Variants in DPP10 observed in about 807,000 individuals in gnomAD.
DPP10 encodes inactive dipeptidyl peptidase 10.
Under a neutral mutation model 120.9 loss-of-function variants are expected in DPP10, and 33 were observed. That is an observed-to-expected ratio of 0.27 (90% CI 0.21 to 0.37). The LOEUF (loss-of-function observed/expected upper bound fraction) is 0.37. Among genes scored for constraint, DPP10 ranks in the 10% least tolerant of loss-of-function variants. The probability of loss-of-function intolerance (pLI) is 1.00; values close to 1 mark genes in which losing one functional copy is unlikely to be tolerated. For missense variants in DPP10, 816 were observed against 942.8 expected (o/e 0.87, Z 1.76); for synonymous variants, 337 against 326.1 (o/e 1.03, Z -0.36).
chr2:115,693,257 A>C (rs950853590), intron 7 of DPP10, among the ~76,000 whole-genome samples: 2 of 152,190 alleles, frequency 1.3e-5, no homozygotes, highest in African/African-American at 4.8e-5. Context: ...AATATGGTAA[A>C]TATGAATGTG....
chr2:114,589,373 C>T (rs1691267886), intron 1 of DPP10, among the ~76,000 whole-genome samples: 1 of 152,184 alleles, frequency 6.6e-6, no homozygotes, highest in Non-Finnish European at 1.5e-5. Flanking sequence ...TCTTTTCTAT[C>T]CTAAACCAAA....
intron 1 of DPP10, among the ~76,000 whole-genome samples, chr2:115,033,768 A>G (rs10200843): frequency 1.3e-3 from 189 of 149,518 alleles, no homozygotes; most frequent in African/African-American, 4.5e-3. Context: ...TGGCTCAATC[A>G]TAGCTCTCTG....
chr2:115,768,517 T>C (rs1681074550), intron 13 of DPP10, 113 bp downstream of exon 13: 3 of 817,040 alleles, frequency 3.7e-6, no homozygotes, highest in South Asian at 1.8e-5. Context: ...CAGCCATATA[T>C]ACAACTCACA....
chr2:115,175,696 A>G (rs1233614543), intron 1 of DPP10, among the ~76,000 whole-genome samples: 2 of 152,212 alleles, frequency 1.3e-5, no homozygotes, highest in African/African-American at 2.4e-5. Flanking sequence ...AAAGATGAAA[A>G]TGTTCTGTAT....
intron 1 of DPP10, among the ~76,000 whole-genome samples, chr2:114,993,364 CT>C (rs34821521): frequency 0.96 from 141,181 of 147,590 alleles, 67,525 homozygotes; most frequent in East Asian, 1. Context: ...GTGAATAATA[CT>C]TTTTTTTTTT....
intron 1 of DPP10, among the ~76,000 whole-genome samples, chr2:114,560,762 C>T (rs970331448): frequency 6.6e-6 from 1 of 152,196 alleles, no homozygotes; most frequent in East Asian, 1.9e-4. Context: ...AGAATATGTG[C>T]CATACTGTGC....
rs1207960571 is a variant in DPP10, at chr2:115,166,494, ATAT to A, written c.61-142741_61-142739del. Among the ~76,000 whole-genome samples the A allele has an allele frequency of 6.1e-5, 7 of 115,682 alleles. No individual in the cohort carries two copies. The Middle Eastern group carries it at 0.02, about 331-fold the overall frequency. The allele number at this position is 115,682 out of a possible 152,430, so 75.9% of individuals were successfully genotyped here. Reference sequence around the variant, plus strand: ...CTGAATTTCTTATTTTTATATGTAAATATTATATATTATATAAATTTATAATAT... The same window carrying A: ...CTGAATTTCTTATTTTTATATGTAAATATATATTATATAAATTTATAATAT... On this transcript the variant is annotated intron_variant, in intron 1 of 25. Transcript: ENST00000410059.
chr2:115,783,382 C>T (rs1682990741), intron 17 of DPP10, among the ~76,000 whole-genome samples: 1 of 152,110 alleles, frequency 6.6e-6, no homozygotes, highest in Admixed American at 6.5e-5. Context: ...TTCTATTGTG[C>T]TTTTGCCTCA....
rs914560674 is a variant in DPP10, at chr2:115,814,858, T to A, written c.1766T>A (p.Ile589Asn). The change falls in exon 20 of 26, where the codon ATT becomes AAT. Residue 589 changes from isoleucine (I) to asparagine (N), a missense_variant. By Grantham distance (149) the Ile-to-Asn change is moderately radical. This residue lies in a region of DPP10 where 592 missense variants were observed against 649.0 expected (regional missense o/e 0.91). Coordinates refer to ENST00000410059, the MANE Select transcript of DPP10 (RefSeq NM_020868.6). ...KFHIDWDSVL[I>N]DMDNVIVARF... ...CATATTGACTGGGATTCCGTACTCA[T>A]TGACATGGATAATGTCATTGTAGCA... 2.5e-6 allele frequency: 4 copies of A among 1,608,168 alleles called. No homozygotes were observed. In the African/African-American group the frequency reaches 4.0e-5, roughly 16 times the overall value.
rs576297284 is a variant in DPP10 at position 115,771,143 on chromosome 2, C to T, written c.1221+2739C>T. Among the ~76,000 whole-genome samples the T allele has an allele frequency of 2.6e-5, 4 of 152,020 alleles. No individual in the cohort carries two copies. The South Asian group carries it at 6.2e-4, about 24-fold the overall frequency. ...AGGCTAGAATGCAGTGACACGATCTCGGCTCACTGCAACCCCCTCCTCCCA... is the reference window on the plus strand; with the variant it reads ...AGGCTAGAATGCAGTGACACGATCTTGGCTCACTGCAACCCCCTCCTCCCA... On this transcript the variant is annotated intron_variant, in intron 13 of 25. Transcript: ENST00000410059.
Position 114,814,554 on chromosome 2 carries a change from A to C in DPP10, c.60+371716A>C, listed in dbSNP as rs147688433. Among the ~76,000 whole-genome samples the C allele has an allele frequency of 1.9e-3, 296 of 152,242 alleles. 1 individual carries two copies. Among genetic ancestry groups the C allele is most frequent in the African/African-American group, 6.8e-3 (284 of 41,560 alleles). ...ATATCCCAAATATTACCATGTCAGCATATTGCACTGGCACGTTTGAGGCAC... is the reference window on the plus strand; with the variant it reads ...ATATCCCAAATATTACCATGTCAGCCTATTGCACTGGCACGTTTGAGGCAC... On this transcript the variant is annotated intron_variant, in intron 1 of 25. Transcript: ENST00000410059.
intron 1 of DPP10, among the ~76,000 whole-genome samples, chr2:114,610,933 T>C (rs1040789150): frequency 1.3e-5 from 2 of 152,044 alleles, no homozygotes; most frequent in Non-Finnish European, 2.9e-5. Context: ...GCACCCAGGC[T>C]GTGTTTTAGC....
intron 1 of DPP10, among the ~76,000 whole-genome samples, chr2:115,023,979 C>CT (rs1703266849): frequency 6.6e-6 from 1 of 151,978 alleles, no homozygotes; most frequent in South Asian, 2.1e-4. Flanking sequence ...AGGGATAAGA[C>CT]TAATACATCA....
At chr2:114,961,033 C>CTTTTTTTTTTTT (rs772146022) in intron 1 of DPP10, among the ~76,000 whole-genome samples, 11 of 52,028 alleles carry the variant, frequency 2.1e-4, no homozygotes, top group African/African-American at 8.2e-4. Context: ...CTCTATACGC[C>CTTTTTTTTTTTT]TTTTTTTTTT....
intron 5 of DPP10, among the ~76,000 whole-genome samples, chr2:115,597,197 G>A (rs2083044632): frequency 6.6e-6 from 1 of 152,040 alleles, no homozygotes. Context: ...GACATTCCCT[G>A]GAGGCTGCTA....
chr2:115,304,100 C>T (rs1389052620), intron 1 of DPP10, among the ~76,000 whole-genome samples: 2 of 151,868 alleles, frequency 1.3e-5, no homozygotes, highest in Non-Finnish European at 2.9e-5. Context: ...CATTACTTAC[C>T]GTTGAAAATA....
chr2:115,553,686 C>T (rs530169889), intron 5 of DPP10, among the ~76,000 whole-genome samples: 5 of 152,004 alleles, frequency 3.3e-5, no homozygotes, highest in African/African-American at 9.6e-5. Context: ...ACTTTATCTG[C>T]ACTATGATCT....
At chr2:115,362,973 A>G (rs992747518) in intron 3 of DPP10, among the ~76,000 whole-genome samples, 6 of 152,206 alleles carry the variant, frequency 3.9e-5, no homozygotes, top group African/African-American at 1.4e-4. Context: ...TCTTTTGTGC[A>G]GTCATAACCC....
intron 3 of DPP10, among the ~76,000 whole-genome samples, chr2:115,457,164 A>C (rs2105029587): frequency 6.6e-6 from 1 of 152,206 alleles, no homozygotes; most frequent in African/African-American, 2.4e-5. Context: ...AATTCAATGA[A>C]GGAAAGAATA....
Sources: allele counts gnomAD v4.1 joint callset (sites outside exome capture counted in the v4.1 genomes callset), GRCh38; gene constraint gnomAD v4.1.1; regional missense constraint gnomAD v4.1.1; transcripts MANE v1.5; gene names NCBI Gene and HGNC (gene_info 2026-07-23, HGNC 2026-07-21).